The following CEACAM19 variants were observed in gnomAD, a reference collection of about 807,000 sequenced individuals.
CEACAM19 encodes the protein cell adhesion molecule CEACAM19.
CEACAM19 carries 37 observed loss-of-function variants against 37.6 expected under a neutral mutation model. The observed-to-expected ratio is 0.98, with a 90% CI of 0.76 to 1.29. The LOEUF (loss-of-function observed/expected upper bound fraction) is 1.29. Ranked by LOEUF, CEACAM19 falls within the 50% of genes most tolerant of loss-of-function variation. The probability of loss-of-function intolerance (pLI) is 0.00; values close to 1 mark genes in which losing one functional copy is unlikely to be tolerated. For missense variants in CEACAM19, 340 were observed against 375.6 expected (o/e 0.91, Z 0.78); for synonymous variants, 140 against 149.8 (o/e 0.93, Z 0.48).
upstream of CEACAM19, among the ~76,000 whole-genome samples, chr19:44,669,885 C>A (rs893309566): frequency 2.0e-5 from 3 of 152,288 alleles, no homozygotes; most frequent in South Asian, 2.1e-4. Flanking sequence ...TCTGCCCCCC[C>A]AAACCCTACA....
At position 44,682,631 on chromosome 19, in the gene CEACAM19, G is replaced by T; in HGVS notation, c.846+11G>T. On this transcript the variant is annotated intron_variant, in intron 7 of 7. Coordinates refer to ENST00000358777, the MANE Select transcript of CEACAM19 (RefSeq NM_001127893.3). ...AACCACCAGTACCAGGTATGGAGCTGGGAGCTGGGAGGGGTGGTGGGGATC... is the reference window on the plus strand; with the variant it reads ...AACCACCAGTACCAGGTATGGAGCTTGGAGCTGGGAGGGGTGGTGGGGATC... The T allele has an allele frequency of 6.3e-7, 1 of 1,594,904 alleles. No individual in the cohort carries two copies. The highest frequency in any genetic ancestry group is 8.5e-7 in the Non-Finnish European group (1 of 1,170,724).
At chr19:44,672,512 G>T in intron 1 of CEACAM19, 84 bp from the exon 2 acceptor site, 1 of 1,339,754 alleles carries the variant, frequency 7.5e-7, no homozygotes, top group South Asian at 2.1e-5. Context: ...CTTGCTCCCC[G>T]CTGAAGATCT....
chr19:44,676,624 C>T (rs1367432964), intron 3 of CEACAM19, among the ~76,000 whole-genome samples: 4 of 152,094 alleles, frequency 2.6e-5, no homozygotes, highest in Non-Finnish European at 5.9e-5. Context: ...AACTGACTTA[C>T]CAAAAAGAAG....
upstream of CEACAM19, among the ~76,000 whole-genome samples, chr19:44,669,746 T>A (rs1406948961): frequency 1.3e-5 from 2 of 152,126 alleles, no homozygotes; most frequent in Non-Finnish European, 2.9e-5. Flanking sequence ...TCAGCTCAGA[T>A]GCCCCCTCCC....
At chr19:44,678,758 C>T in intron 3 of CEACAM19, 95 bp from the exon 4 acceptor site, 3 of 1,525,304 alleles carry the variant, frequency 2.0e-6, no homozygotes, top group Non-Finnish European at 2.7e-6. Flanking sequence ...CCCCCTCCCC[C>T]CTCTCCATTT....
intron 7 of CEACAM19, chr19:44,682,988 C>T: frequency 3.6e-6 from 1 of 275,002 alleles, no homozygotes; most frequent in South Asian, 6.5e-5. Context: ...GCTGTCTGTC[C>T]CTGTAGTTCT....
intron 2 of CEACAM19, among the ~76,000 whole-genome samples, chr19:44,673,219 A>G (rs963061871): frequency 3.3e-5 from 5 of 152,164 alleles, no homozygotes; most frequent in African/African-American, 1.2e-4. Context: ...TTTCACATGC[A>G]CTAACATTAA....
Position 44,671,657 on chromosome 19 carries a change from A to T in CEACAM19, c.-275A>T, listed in dbSNP as rs1280717318. The T allele has an allele frequency of 3.6e-5, 17 of 468,166 alleles. No homozygotes were observed. Among genetic ancestry groups the T allele is most frequent in the Non-Finnish European group, 4.9e-5 (13 of 263,462 alleles). The allele number at this position is 468,166 out of a possible 1,614,324, so 29.0% of individuals were successfully genotyped here. A position where few individuals can be genotyped will look rare whatever the true frequency, so the allele number is the denominator to read the frequency against. On this transcript the variant is annotated 5_prime_UTR_variant, in exon 1 of 8. Transcript: ENST00000358777. ...TGTAGTCACGCTGAGTGAGAAAAAG[A>T]GGTTGAAGAGGGTCAGGGGAGGAGT...
intron 6 of CEACAM19, among the ~76,000 whole-genome samples, chr19:44,681,938 A>T (rs1974069148): frequency 1.3e-5 from 2 of 152,062 alleles, no homozygotes; most frequent in Admixed American, 1.3e-4. Context: ...CCCAAAAAAA[A>T]AAAAAGTTAT....
rs1479207019 is a variant in CEACAM19, at chr19:44,671,952, C to T, written c.21C>T (p.Thr7=). 6.2e-7 allele frequency: 1 copy of T among 1,606,670 alleles called. No individual in the cohort carries two copies. Among genetic ancestry groups the T allele is most frequent in the South Asian group, 1.1e-5 (1 of 89,746 alleles). ...CCAAGATGGAGATTCCCATGGGGAC[C>T]CAGGGCTGCTTCTCAAAGAGCCTCC... The part of the protein sequence containing the change: MEIPMG[T]QGCFSKSLLL... Residue 7 remains threonine, a synonymous_variant, in exon 1 of 8, where the codon ACC becomes ACT. Coordinates refer to ENST00000358777, the MANE Select transcript of CEACAM19 (RefSeq NM_001127893.3).
chr19:44,670,553 T>G (rs148850682), upstream of CEACAM19, among the ~76,000 whole-genome samples: 6,566 of 150,892 alleles, frequency 0.044, 356 homozygotes, highest in African/African-American at 0.13. Context: ...CGCATGCCTG[T>G]AATCCCAGCT....
intron 2 of CEACAM19, among the ~76,000 whole-genome samples, chr19:44,675,006 C>G (rs1973921255): frequency 6.6e-6 from 1 of 151,834 alleles, no homozygotes; most frequent in African/African-American, 2.4e-5. Flanking sequence ...TGTGAGCCAT[C>G]AAGCAAGTCA....
chr19:44,670,123 A>T (rs982464826), upstream of CEACAM19, among the ~76,000 whole-genome samples: 2 of 151,788 alleles, frequency 1.3e-5, no homozygotes, highest in Admixed American at 6.6e-5. Flanking sequence ...GGAGTTCAAC[A>T]CCAGCCTGGG....
upstream of CEACAM19, chr19:44,667,188 A>G (rs1033156401): frequency 6.6e-6 from 1 of 151,600 alleles, no homozygotes. Context: ...ACCCCCAACA[A>G]GCTGAAGACG....
chr19:44,668,581 T>TTATATAATTATATACACATATTATATATG (rs1973796455), upstream of CEACAM19, among the ~76,000 whole-genome samples: 1 of 68,584 alleles, frequency 1.5e-5, no homozygotes, highest in Non-Finnish European at 2.5e-5. Context: ...ATGTATATAA[T>TTATATAATTATATACACATATTATATATG]TATATAATTA....
At position 44,681,313 on chromosome 19, in the gene CEACAM19, G is replaced by C. The variant is rs369842569; in HGVS notation, c.792+1G>C. On this transcript the variant is annotated splice_donor_variant, in intron 6 of 7. Transcript: ENST00000358777. LOFTEE classifies it high-confidence loss of function. ...CACAAGGTCCATAAACCCAGCCCGG[G>C]TGAGTCCCGTCCCCAGCCTCTCCCC... is the stretch of plus-strand genomic sequence containing the variant. 30 of 1,610,640 alleles carry C rather than the reference G, an allele frequency of 1.9e-5. No individual in the cohort carries two copies. The highest frequency in any genetic ancestry group is 2.5e-5 in the Non-Finnish European group (29 of 1,177,314).
At chr19:44,680,452 C>A in intron 5 of CEACAM19, 118 bp downstream of exon 5, 1 of 939,910 alleles carries the variant, frequency 1.1e-6, no homozygotes, top group South Asian at 1.4e-5. Flanking sequence ...GCACCTGCCC[C>A]GAGACCTCTC....
chr19:44,683,685 T>C lies in CEACAM19; in HGVS notation c.*195T>C. The C allele has an allele frequency of 4.7e-6, 2 of 426,936 alleles. No individual in the cohort carries two copies. Among genetic ancestry groups the C allele is most frequent in the Non-Finnish European group, 8.4e-6 (2 of 239,474 alleles). 26.4% of individuals were successfully genotyped at this position (426,936 alleles called of 1,614,324 possible). ...AGACTGTAACAGGCCCAGGTCCTTG[T>C]GCAGCCCGTGAATGCACGCCCGCCT... On this transcript the variant is annotated 3_prime_UTR_variant, in exon 8 of 8. Transcript: ENST00000358777.
At chr19:44,669,068 C>G (rs1231543554), upstream of CEACAM19, among the ~76,000 whole-genome samples, 1 of 151,528 alleles carries the variant, frequency 6.6e-6, no homozygotes, top group African/African-American at 2.4e-5. Context: ...GATCTGCCTG[C>G]CTCTGCCTCC....
Sources: allele counts gnomAD v4.1 joint callset (sites outside exome capture counted in the v4.1 genomes callset), GRCh38; gene constraint gnomAD v4.1.1; transcripts MANE v1.5; gene names NCBI Gene and HGNC (gene_info 2026-07-23, HGNC 2026-07-21).